The following DNAH3 variants were observed in gnomAD, a reference collection of about 807,000 sequenced individuals.
DNAH3 encodes the protein axonemal beta dynein heavy chain 3.
Under a neutral mutation model 432.5 loss-of-function variants are expected in DNAH3, and 332 were observed. That is an observed-to-expected ratio of 0.77 (90% CI 0.70 to 0.84). DNAH3 has a LOEUF of 0.84. DNAH3 is among the 40% of genes least tolerant of loss of function. The pLI is 0.00. For synonymous variants in DNAH3, 1,956 were observed against 1,900.2 expected, an observed-to-expected ratio of 1.03 and a Z score of -0.76; for missense variants, 4,861 against 5,114.0, an observed-to-expected ratio of 0.95 and a Z score of 1.51.
At chr16:21,080,388 A>G (rs1279529702) in intron 20 of DNAH3, among the ~76,000 whole-genome samples, 1 of 152,234 alleles carries the variant, frequency 6.6e-6, no homozygotes, top group African/African-American at 2.4e-5. Context: ...CCAATAATGT[A>G]TTTGACTCAA....
Position 21,145,180 on chromosome 16 carries a change from C to A in DNAH3, c.448+1G>T. 6.2e-7 allele frequency: 1 copy of A among 1,608,962 alleles called. No homozygotes were observed. The highest frequency in any genetic ancestry group is 8.5e-7 in the Non-Finnish European group (1 of 1,177,236). ...CAAGGGTGTGACACTGCCACAAGTA[C>A]CTGATGATGGCAGCCCCTGACCGGT... On this transcript the variant is annotated splice_donor_variant, in intron 3 of 61. Coordinates refer to ENST00000261383, the Ensembl canonical transcript of DNAH3. LOFTEE classifies it high-confidence loss of function.
chr16:20,948,604 T>G, exon 57 of DNAH3: 1 of 1,614,118 alleles, frequency 6.2e-7, no homozygotes, highest in Non-Finnish European at 8.5e-7. Context: ...CCGGTCTTTG[T>G]CATCAGTCAC....
chr16:21,006,584 A>C (rs1431386454), intron 41 of DNAH3, among the ~76,000 whole-genome samples: 1 of 152,120 alleles, frequency 6.6e-6, no homozygotes, highest in Non-Finnish European at 1.5e-5. Context: ...GGCAACCTCT[A>C]ATCTACTTTC....
rs781461406 is a variant in DNAH3, at chr16:20,985,754, T to C, written c.7027-39A>G. The C allele has an allele frequency of 3.1e-6, 5 of 1,589,916 alleles. No homozygotes were observed. The Admixed American group carries it at 8.5e-5, about 27-fold the overall frequency. ...AAATCTCGGCGGGGCATTCAGTGAA[T>C]GGCCCAGCCAGGCTGGTAGGGACAT... is the stretch of plus-strand genomic sequence containing the variant. On this transcript the variant is annotated intron_variant, in intron 47 of 61. Transcript: ENST00000261383.
At chr16:21,011,470 C>T (rs902050835) in intron 41 of DNAH3, among the ~76,000 whole-genome samples, 1 of 152,134 alleles carries the variant, frequency 6.6e-6, no homozygotes, top group African/African-American at 2.4e-5. Context: ...GATCCTCCTG[C>T]CTCAGCCTCC....
chr16:21,047,848 G>C (rs2089774786), intron 31 of DNAH3, among the ~76,000 whole-genome samples: 1 of 150,396 alleles, frequency 6.6e-6, no homozygotes, highest in Non-Finnish European at 1.5e-5. Context: ...GTACAGATGG[G>C]TTTTTGGTGT....
chr16:21,051,133 A>C (rs973167858), intron 29 of DNAH3, among the ~76,000 whole-genome samples: 3 of 152,242 alleles, frequency 2.0e-5, no homozygotes, highest in African/African-American at 7.2e-5. Flanking sequence ...TTACAATCTA[A>C]AAAACTCTCA....
chr16:20,981,110 C>T (rs1281509388), intron 49 of DNAH3, among the ~76,000 whole-genome samples: 2 of 152,194 alleles, frequency 1.3e-5, no homozygotes, highest in Non-Finnish European at 2.9e-5. Context: ...GAAAATTATA[C>T]ACTGAGTTAA....
intron 59 of DNAH3, among the ~76,000 whole-genome samples, chr16:20,938,322 T>C (rs577782683): frequency 1.3e-5 from 2 of 151,376 alleles, no homozygotes; most frequent in African/African-American, 2.4e-5. Context: ...AAGGTGGAGG[T>C]TGCAGTGAGC....
chr16:20,944,205 A>AG (rs1555505994), intron 58 of DNAH3, among the ~76,000 whole-genome samples: 15 of 152,034 alleles, frequency 9.9e-5, no homozygotes, highest in South Asian at 4.2e-4. Context: ...GCAAAAGAAA[A>AG]AAAAAAAGAA....
rs372420902 is a variant in DNAH3, at chr16:21,025,039, C to T, written c.5541-338G>A. Reference sequence around the variant, plus strand: ...TCCCTGGTTCAAGTGATTCTCATTTCTCAGCCTCCCGAGTAGCTGGAATTA... The same window carrying T: ...TCCCTGGTTCAAGTGATTCTCATTTTTCAGCCTCCCGAGTAGCTGGAATTA... On this transcript the variant is annotated intron_variant, in intron 38 of 61. Transcript: ENST00000261383. Among the ~76,000 whole-genome samples the T allele has an allele frequency of 1.4e-3, 214 of 152,254 alleles. 8 individuals carry two copies. In the South Asian group the frequency reaches 0.044, roughly 31 times the overall value.
rs2092089977 is a variant in DNAH3, at chr16:21,112,113, G to C, written c.1815-15C>G. 6.4e-7 allele frequency: 1 copy of C among 1,558,244 alleles called. No individual in the cohort carries two copies. Among genetic ancestry groups the C allele is most frequent in the Non-Finnish European group, 8.8e-7 (1 of 1,133,734 alleles). ...CATTTAAATATCTTCCATATTGAAGGGTGTGAAATCAAACACACAAATATA... is the reference window on the plus strand; with the variant it reads ...CATTTAAATATCTTCCATATTGAAGCGTGTGAAATCAAACACACAAATATA... On this transcript the variant is annotated splice_polypyrimidine_tract_variant and intron_variant, in intron 12 of 61. Coordinates refer to ENST00000261383, the Ensembl canonical transcript of DNAH3.
intron 10 of DNAH3, 138 bp downstream of exon 11, chr16:21,121,807 T>C: frequency 1.7e-6 from 1 of 597,908 alleles, no homozygotes; most frequent in South Asian, 3.2e-5. Flanking sequence ...GGTCAAGGGG[T>C]TATATTCAGG....
intron 51 of DNAH3, among the ~76,000 whole-genome samples, chr16:20,974,818 CTTATTATTA>C (rs770805396): frequency 6.7e-6 from 1 of 150,310 alleles, no homozygotes; most frequent in Non-Finnish European, 1.5e-5. Flanking sequence ...TCGCCTACCC[CTTATTATTA>C]TTATTATTTT....
intron 1 of DNAH3, among the ~76,000 whole-genome samples, chr16:21,155,775 A>T (rs1352788456): frequency 6.6e-6 from 1 of 152,062 alleles, no homozygotes; most frequent in African/African-American, 2.4e-5. Flanking sequence ...ATCTGCCAAC[A>T]TGGGGAGCAG....
At chr16:20,987,159 AAG>A (rs2086237135) in intron 47 of DNAH3, 144 bp downstream of exon 47, 1 of 958,362 alleles carries the variant, frequency 1.0e-6, no homozygotes, top group Admixed American at 2.6e-5. Context: ...CCAAGTCAAA[AAG>A]AGCAGTTGAC....
chr16:21,144,765 C>T (rs975823715), intron 3 of DNAH3, among the ~76,000 whole-genome samples: 4 of 152,118 alleles, frequency 2.6e-5, no homozygotes, highest in Non-Finnish European at 5.9e-5. Flanking sequence ...TGAGGCTTTG[C>T]AAAGTCTCCA....
chr16:20,943,078 C>T (rs982592591), intron 58 of DNAH3, among the ~76,000 whole-genome samples: 2 of 150,968 alleles, frequency 1.3e-5, no homozygotes, highest in African/African-American at 4.9e-5. Context: ...CACGCACCAC[C>T]ACACCCAGTT....
intron 12 of DNAH3, among the ~76,000 whole-genome samples, chr16:21,113,802 A>G (rs2092126443): frequency 6.6e-6 from 1 of 152,210 alleles, no homozygotes; most frequent in African/African-American, 2.4e-5. Flanking sequence ...AACACCTCAT[A>G]GGATTATTGT....
Sources: gnomAD v4.1 joint callset for allele counts (sites outside exome capture counted in the v4.1 genomes callset) on GRCh38, gnomAD v4.1.1 for gene constraint, MANE v1.5 for transcripts, NCBI Gene and HGNC (gene_info 2026-07-23, HGNC 2026-07-21) for gene names.